PFKP: variants seen among roughly 807,000 people sequenced by gnomAD.
PFKP encodes phosphofructokinase, platelet.
PFKP carries 101 observed loss-of-function variants against 94.3 expected under a neutral mutation model. The ratio of observed to expected loss-of-function variants is 1.07; its 90% CI spans 0.91 to 1.26. The LOEUF is 1.26. PFKP is among the 50% of genes most tolerant of loss of function. The pLI is 0.00. For missense variants in PFKP, 1,145 were observed against 1,103.3 expected, an observed-to-expected ratio of 1.04 and a Z score of -0.53; for synonymous variants, 573 against 432.6, an observed-to-expected ratio of 1.32 and a Z score of -4.03.
At chr10:3,096,271 A>T (rs1441038461) in intron 2 of PFKP, among the ~76,000 whole-genome samples, 1 of 152,146 alleles carries the variant, frequency 6.6e-6, no homozygotes, top group Non-Finnish European at 1.5e-5. Context: ...TTAGGGGTGC[A>T]TGGTTGACTC....
intron 21 of PFKP, 35 bp from the exon 22 acceptor site, chr10:3,136,415 G>A (rs372292480): frequency 3.7e-6 from 6 of 1,610,326 alleles, no homozygotes; most frequent in Non-Finnish European, 5.1e-6. Context: ...GCCAGTGACT[G>A]CAGGCCTCAC....
intron 1 of PFKP, among the ~76,000 whole-genome samples, chr10:3,079,322 C>T (rs947765699): frequency 2.0e-5 from 3 of 152,002 alleles, no homozygotes; most frequent in African/African-American, 4.8e-5. Context: ...GCAAGCTCCA[C>T]CTCCCGGGTT....
intron 20 of PFKP, among the ~76,000 whole-genome samples, chr10:3,135,141 G>A (rs1045019983): frequency 7.2e-5 from 11 of 152,134 alleles, no homozygotes; most frequent in Admixed American, 6.5e-4. Context: ...CAACATGGCT[G>A]TTCCCCACTC....
In PFKP at chr10:3,118,873, C is replaced by G. The variant is rs370960893; in HGVS notation, c.1530+4C>G. ...GCTGATCATCGGTGGATTCGAGGTACGTTACCGTTTCTCTCTTGCCGGTCT... is the reference window on the plus strand; with the variant it reads ...GCTGATCATCGGTGGATTCGAGGTAGGTTACCGTTTCTCTCTTGCCGGTCT... On this transcript the variant is annotated splice_donor_region_variant and intron_variant, in intron 15 of 21. Coordinates refer to ENST00000381125, the MANE Select transcript of PFKP (RefSeq NM_002627.5). 1.2e-6 allele frequency: 2 copies of G among 1,608,638 alleles called. No individual in the cohort carries two copies. Among genetic ancestry groups the G allele is most frequent in the Non-Finnish European group, 1.7e-6 (2 of 1,175,708 alleles).
rs767188799 is a variant in PFKP at position 3,107,315 on chromosome 10, T to C, written c.870+6T>C. ...CCTCTGAGAAAATCAAAGAGGTGAG[T>C]GTGTGTAGCTGCTCACTTTCTCTCG... On this transcript the variant is annotated splice_donor_region_variant and intron_variant, in intron 8 of 21. Transcript: ENST00000381125. 2.2e-5 allele frequency: 33 copies of C among 1,523,466 alleles called. No homozygotes were observed. The highest frequency in any genetic ancestry group is 2.8e-5 in the Non-Finnish European group (31 of 1,098,322). 94.4% of individuals were successfully genotyped at this position (1,523,466 alleles called of 1,614,324 possible).
At chr10:3,116,612 C>T (rs1206880608) in intron 13 of PFKP, among the ~76,000 whole-genome samples, 164 bp from the exon 14 acceptor site, 2 of 152,202 alleles carry the variant, frequency 1.3e-5, no homozygotes, top group Non-Finnish European at 2.9e-5. Context: ...ACTTCTGCTT[C>T]TCACCTTGAT....
chr10:3,109,223 A>G (rs1426964393), intron 9 of PFKP, 132 bp from the exon 10 acceptor site: 3 of 1,206,954 alleles, frequency 2.5e-6, no homozygotes, highest in Non-Finnish European at 3.6e-6. Flanking sequence ...CTTTGCTCTA[A>G]AGAGTTGGGC....
At chr10:3,081,165 C>T (rs947072377) in intron 1 of PFKP, among the ~76,000 whole-genome samples, 1 of 152,082 alleles carries the variant, frequency 6.6e-6, no homozygotes. Context: ...ATATGTATCC[C>T]CAAGGTTTTT....
chr10:3,116,696 T>C (rs1836858253), intron 13 of PFKP, 80 bp from the exon 14 acceptor site: 2 of 1,043,590 alleles, frequency 1.9e-6, no homozygotes, highest in South Asian at 1.3e-5. Context: ...TGTTGAAAAG[T>C]ACAGAAAGCT....
intron 2 of PFKP, among the ~76,000 whole-genome samples, chr10:3,092,979 G>C (rs573527206): frequency 3.3e-5 from 5 of 150,340 alleles, no homozygotes; most frequent in Middle Eastern, 3.4e-3. Flanking sequence ...ATGGGGGTAG[G>C]GGGGTGGCCA....
intron 15 of PFKP, 24 bp downstream of exon 15, chr10:3,118,893 C>G (rs780643260): frequency 4.4e-6 from 7 of 1,590,144 alleles, no homozygotes; most frequent in East Asian, 2.2e-5. Flanking sequence ...TCTCTCTTGC[C>G]GGTCTTGCAG....
intron 15 of PFKP, among the ~76,000 whole-genome samples, chr10:3,119,584 C>T (rs530652860): frequency 2.1e-5 from 3 of 145,274 alleles, no homozygotes; most frequent in African/African-American, 7.7e-5. Flanking sequence ...CAGCCTGGGC[C>T]ACAAAGCGAG....
chr10:3,068,485 C>T, intron 1 of PFKP: 1 of 175,312 alleles, frequency 5.7e-6, no homozygotes, highest in Non-Finnish European at 1.1e-5. Context: ...CCTCCGCAGA[C>T]GGGAAGGATC....
chr10:3,121,220 A>G (rs1837363629), intron 16 of PFKP, among the ~76,000 whole-genome samples: 1 of 152,076 alleles, frequency 6.6e-6, no homozygotes, highest in African/African-American at 2.4e-5. Context: ...CTTTCACCTT[A>G]TTTTTGGCAG....
intron 1 of PFKP, among the ~76,000 whole-genome samples, chr10:3,073,696 T>A (rs1832364245): frequency 6.7e-6 from 1 of 149,458 alleles, no homozygotes; most frequent in Non-Finnish European, 1.5e-5. Context: ...ATGTAAATGA[T>A]CTGATCCGAA....
chr10:3,118,341 G>T (rs542301466), intron 14 of PFKP, among the ~76,000 whole-genome samples: 3 of 151,898 alleles, frequency 2.0e-5, no homozygotes, highest in African/African-American at 7.3e-5. Context: ...GGTGGCGGGC[G>T]CCTGTAGTCC....
intron 3 of PFKP, among the ~76,000 whole-genome samples, chr10:3,099,641 C>T (rs527487291): frequency 4.1e-4 from 63 of 152,314 alleles, no homozygotes; most frequent in African/African-American, 1.3e-3. Context: ...CTGCATTGGG[C>T]GCCTCCTGAG....
chr10:3,098,216 A>C (rs966521746), intron 2 of PFKP, among the ~76,000 whole-genome samples: 1 of 152,170 alleles, frequency 6.6e-6, no homozygotes, highest in Non-Finnish European at 1.5e-5. Flanking sequence ...TTATGGATCC[A>C]ACAATAATCT....
chr10:3,078,226 G>A (rs949426569), intron 1 of PFKP, among the ~76,000 whole-genome samples: 14 of 152,286 alleles, frequency 9.2e-5, no homozygotes, highest in Admixed American at 3.3e-4. Context: ...CCCACGTTGC[G>A]GGCTGTGAAA....
Sources: allele counts gnomAD v4.1 joint callset (sites outside exome capture counted in the v4.1 genomes callset), GRCh38; gene constraint gnomAD v4.1.1; transcripts MANE v1.5; gene names NCBI Gene and HGNC (gene_info 2026-07-23, HGNC 2026-07-21).